NEXMIF: variants seen among roughly 807,000 people sequenced by gnomAD.
NEXMIF encodes XLMR protein related to neurite extension.
Under a neutral mutation model 62.1 loss-of-function variants are expected in NEXMIF, and 8 were observed. That is an observed-to-expected ratio of 0.13 (90% CI 0.08 to 0.23). The LOEUF (loss-of-function observed/expected upper bound fraction) is 0.23. Among genes scored for constraint, NEXMIF ranks in the 10% least tolerant of loss-of-function variants. The probability of loss-of-function intolerance (pLI) is 1.00; values close to 1 mark genes in which losing one functional copy is unlikely to be tolerated. For synonymous variants in NEXMIF, 404 were observed against 416.6 expected, an observed-to-expected ratio of 0.97 and a Z score of 0.37; for missense variants, 976 against 1,113.3, an observed-to-expected ratio of 0.88 and a Z score of 1.75.
At chrX:74,885,842 C>CA (rs975361154) in intron 1 of NEXMIF, among the ~76,000 whole-genome samples, 3 of 111,037 alleles carry the variant, frequency 2.7e-5, no homozygotes, top group African/African-American at 9.8e-5. Flanking sequence ...AGAGACACAA[C>CA]AAAAAAAGAG....
chrX:74,827,064 T>TATGTA (rs2080420722), intron 1 of NEXMIF, among the ~76,000 whole-genome samples: 1 of 112,405 alleles, frequency 8.9e-6, no homozygotes, highest in East Asian at 2.8e-4. Context: ...TAATTATAAG[T>TATGTA]AATCACTTTT....
At chrX:74,895,449 G>A (rs898406936) in intron 1 of NEXMIF, among the ~76,000 whole-genome samples, 1 of 111,469 alleles carries the variant, frequency 9.0e-6, no homozygotes, top group Non-Finnish European at 1.9e-5. Context: ...CACAGAAATA[G>A]AAAAAAATCC....
At chrX:74,792,532 T>C (rs1177934058) in intron 1 of NEXMIF, among the ~76,000 whole-genome samples, 8 of 101,721 alleles carry the variant, frequency 7.9e-5, no homozygotes, top group African/African-American at 2.9e-4. Context: ...GGTATCCTTG[T>C]TGACTTTCTG....
At chrX:74,865,027 G>A (rs1412496449) in intron 1 of NEXMIF, among the ~76,000 whole-genome samples, 1 of 111,971 alleles carries the variant, frequency 8.9e-6, no homozygotes, top group Non-Finnish European at 1.9e-5. Flanking sequence ...TTTCTTCATA[G>A]CAGTAGGAAA....
At chrX:74,791,003 C>T (rs2080280262) in intron 1 of NEXMIF, among the ~76,000 whole-genome samples, 1 of 110,785 alleles carries the variant, frequency 9.0e-6, no homozygotes, top group Non-Finnish European at 1.9e-5. Flanking sequence ...GCCAGAACTT[C>T]CAACACTATG....
chrX:74,754,429 C>T (rs1332513606), intron 1 of NEXMIF, among the ~76,000 whole-genome samples: 3 of 108,248 alleles, frequency 2.8e-5, no homozygotes, highest in Non-Finnish European at 5.7e-5. Flanking sequence ...CTGCCTCAGC[C>T]TCCTGAGTAA....
chrX:74,785,971 T>G (rs1474214058), intron 1 of NEXMIF, among the ~76,000 whole-genome samples: 1 of 112,868 alleles, frequency 8.9e-6, no homozygotes, highest in Non-Finnish European at 1.9e-5. Flanking sequence ...TTGGTGTTTA[T>G]GAAATATATG....
intron 1 of NEXMIF, among the ~76,000 whole-genome samples, chrX:74,911,010 T>C (rs2080787524): frequency 9.0e-6 from 1 of 111,694 alleles, no homozygotes; most frequent in Admixed American, 9.5e-5. Flanking sequence ...CTGTGGCTTA[T>C]AGGAAAATGG....
intron 1 of NEXMIF, among the ~76,000 whole-genome samples, chrX:74,880,907 C>T (rs1433335045): frequency 2.7e-5 from 3 of 111,361 alleles, no homozygotes; most frequent in Non-Finnish European, 3.8e-5. Flanking sequence ...TCCTTTGACA[C>T]ATAAGAAATA....
At chrX:74,859,726 A>G (rs1374444283) in intron 1 of NEXMIF, among the ~76,000 whole-genome samples, 1 of 111,575 alleles carries the variant, frequency 9.0e-6, no homozygotes, top group African/African-American at 3.2e-5. Context: ...AATAAGATAT[A>G]AATAGAAACA....
intron 1 of NEXMIF, among the ~76,000 whole-genome samples, chrX:74,884,700 G>A (rs1211429694): frequency 4.5e-5 from 5 of 111,599 alleles, no homozygotes; most frequent in Admixed American, 2.9e-4. Context: ...AATAATGGGA[G>A]ATTTTAACAC....
chrX:74,902,811 T>C (rs2080753188), intron 1 of NEXMIF, among the ~76,000 whole-genome samples: 1 of 111,859 alleles, frequency 8.9e-6, no homozygotes, highest in South Asian at 3.8e-4. Flanking sequence ...AGGTTTCCCA[T>C]AGCCCAACTG....
At chrX:74,801,573 C>T (rs1317131644) in intron 1 of NEXMIF, among the ~76,000 whole-genome samples, 1 of 111,765 alleles carries the variant, frequency 8.9e-6, no homozygotes, top group East Asian at 2.8e-4. Flanking sequence ...CCTGGTACTA[C>T]ACTGAAGGTC....
At chrX:74,811,375 C>T (rs1340819254) in intron 1 of NEXMIF, among the ~76,000 whole-genome samples, 2 of 111,928 alleles carry the variant, frequency 1.8e-5, no homozygotes, top group Non-Finnish European at 3.8e-5. Flanking sequence ...TGACGTGGGA[C>T]TGGCTCCTTC....
intron 1 of NEXMIF, among the ~76,000 whole-genome samples, chrX:74,866,810 A>G (rs1281993202): frequency 8.9e-6 from 1 of 112,056 alleles, no homozygotes; most frequent in Non-Finnish European, 1.9e-5. Context: ...CTCCCCCTTC[A>G]CCTTCCGCCA....
chrX:74,783,504 C>T (rs1178687069), intron 1 of NEXMIF, among the ~76,000 whole-genome samples: 3 of 111,664 alleles, frequency 2.7e-5, no homozygotes, highest in Non-Finnish European at 5.6e-5. Flanking sequence ...TTTAGGGCCA[C>T]CTGGAGCAGA....
At chrX:74,883,787 T>C (rs1022280142) in intron 1 of NEXMIF, among the ~76,000 whole-genome samples, 2 of 110,889 alleles carry the variant, frequency 1.8e-5, no homozygotes, top group Admixed American at 1.9e-4. Context: ...ATACAGGAAA[T>C]ACAGAGAACG....
chrX:74,851,808 G>A (rs2080514719), intron 1 of NEXMIF, among the ~76,000 whole-genome samples: 2 of 111,499 alleles, frequency 1.8e-5, no homozygotes, highest in East Asian at 5.6e-4. Context: ...CACTGGTAGA[G>A]CAAACAGACA....
At chrX:74,919,272 G>T (rs1009604542) in intron 1 of NEXMIF, among the ~76,000 whole-genome samples, 1 of 111,643 alleles carries the variant, frequency 9.0e-6, no homozygotes, top group Non-Finnish European at 1.9e-5. Context: ...ATCCAATTCT[G>T]TTGAGCCGAA....
Sources: allele counts gnomAD v4.1 joint callset (sites outside exome capture counted in the v4.1 genomes callset), GRCh38; gene constraint gnomAD v4.1.1; transcripts MANE v1.5; gene names NCBI Gene and HGNC (gene_info 2026-07-23, HGNC 2026-07-21).